Variants in APC observed in about 807,000 individuals in gnomAD.
APC encodes the protein APC regulator of Wnt signaling pathway, also known as adenomatous polyposis coli protein.
Under a neutral mutation model 247.0 loss-of-function variants are expected in APC, and 72 were observed. The ratio of observed to expected loss-of-function variants is 0.29; its 90% CI spans 0.24 to 0.35. The LOEUF (loss-of-function observed/expected upper bound fraction) is 0.35. Among genes scored for constraint, APC ranks in the 10% least tolerant of loss-of-function variants. APC has a pLI of 1.00. For missense variants in APC, 3,400 were observed against 3,360.7 expected (o/e 1.01, Z -0.29); for synonymous variants, 1,254 against 1,162.5 (o/e 1.08, Z -1.60).
chr5:112,821,383 T>A (rs1763112680), intron 10 of APC, among the ~76,000 whole-genome samples: 1 of 151,938 alleles, frequency 6.6e-6, no homozygotes, highest in South Asian at 2.1e-4. Flanking sequence ...GGGGTATGCC[T>A]GTAGTCCTAG....
chr5:112,837,210 A>G (rs1197216886), intron 15 of APC, among the ~76,000 whole-genome samples: 2 of 152,218 alleles, frequency 1.3e-5, no homozygotes, highest in African/African-American at 2.4e-5. Context: ...CAAAGTTCCT[A>G]TTCAACATAG....
intron 9 of APC, among the ~76,000 whole-genome samples, chr5:112,815,986 A>C (rs1168765025): frequency 1.3e-5 from 2 of 152,240 alleles, no homozygotes; most frequent in Admixed American, 6.5e-5. Flanking sequence ...AATCAGGTTT[A>C]TAAAAAGTGC....
At position 112,781,934 on chromosome 5, in the gene APC, A is replaced by G. The variant is rs139278868; in HGVS notation, c.645+1031A>G. Among the ~76,000 whole-genome samples, 255 of 152,172 alleles carry G rather than the reference A, an allele frequency of 1.7e-3. 9 individuals are homozygous for G. In the East Asian group the frequency reaches 0.04, roughly 24 times the overall value. ...ATGCCCAGCTAGTTTTTGTTTCGCC[A>G]TGTTTGCCAGGCTGGTCTTGAACTG... On this transcript the variant is annotated intron_variant, in intron 6 of 15. Coordinates refer to ENST00000257430, the MANE Select transcript of APC (RefSeq NM_000038.6).
intron 8 of APC, among the ~76,000 whole-genome samples, chr5:112,801,979 G>T (rs1010466251): frequency 6.6e-6 from 1 of 151,394 alleles, no homozygotes; most frequent in African/African-American, 2.4e-5. Context: ...GCTACCATCC[G>T]TTATCTTATT....
intron 2 of APC, among the ~76,000 whole-genome samples, chr5:112,758,804 T>C (rs1248182968): frequency 6.6e-6 from 1 of 152,002 alleles, no homozygotes; most frequent in Non-Finnish European, 1.5e-5. Context: ...AGTTTTGCCA[T>C]GTTTGCCAGG....
At chr5:112,820,572 T>C (rs1763017160) in intron 10 of APC, among the ~76,000 whole-genome samples, 1 of 152,190 alleles carries the variant, frequency 6.6e-6, no homozygotes, top group Admixed American at 6.5e-5. Context: ...AAGATTTTAC[T>C]GGGAGAACAT....
chr5:112,817,015 C>T (rs1300675851), intron 9 of APC, among the ~76,000 whole-genome samples: 3 of 151,626 alleles, frequency 2.0e-5, no homozygotes, highest in Non-Finnish European at 2.9e-5. Context: ...ATTACAGGTG[C>T]GTGCCACCAT....
Position 112,827,045 on chromosome 5 carries a change from A to G in APC, c.1409-63A>G, listed in dbSNP as rs185558823. 86 of 1,558,444 alleles carry G rather than the reference A, an allele frequency of 5.5e-5. 1 individual carries two copies. Among genetic ancestry groups the G allele is most frequent in the East Asian group, 3.6e-4 (16 of 44,402 alleles). ...TTTTTTCCTAGTATTTAAGTTACCAACTTGGTACCAGTTTGTTTTATTTTA... is the reference window on the plus strand; with the variant it reads ...TTTTTTCCTAGTATTTAAGTTACCAGCTTGGTACCAGTTTGTTTTATTTTA... On this transcript the variant is annotated intron_variant, in intron 11 of 15. Coordinates refer to ENST00000257430, the MANE Select transcript of APC (RefSeq NM_000038.6).
intron 3 of APC, 129 bp downstream of exon 3, chr5:112,766,539 C>T (rs1335533315): frequency 4.2e-5 from 27 of 645,470 alleles, no homozygotes; most frequent in Non-Finnish European, 6.9e-5. Flanking sequence ...TTAGCCTTAC[C>T]CTCAGGATGT....
chr5:112,735,005 G>C (rs937273571), upstream of APC, among the ~76,000 whole-genome samples: 2 of 151,752 alleles, frequency 1.3e-5, no homozygotes, highest in African/African-American at 2.4e-5. Flanking sequence ...AGGTTCAGAA[G>C]GGTTTTTTAA....
intron 1 of APC, among the ~76,000 whole-genome samples, chr5:112,742,058 A>G (rs1753099096): frequency 6.6e-6 from 1 of 152,164 alleles, no homozygotes; most frequent in African/African-American, 2.4e-5. Flanking sequence ...CCTTTTGTCT[A>G]TCATGAATAA....
At chr5:112,709,760 C>G (rs1269131001) in intron 1 of APC, among the ~76,000 whole-genome samples, 1 of 152,022 alleles carries the variant, frequency 6.6e-6, no homozygotes, top group Admixed American at 6.5e-5. Context: ...CAAAAATAAG[C>G]CAGGCATGGT....
intron 8 of APC, among the ~76,000 whole-genome samples, chr5:112,802,632 A>G (rs1396157954): frequency 6.6e-6 from 1 of 152,122 alleles, no homozygotes; most frequent in Non-Finnish European, 1.5e-5. Context: ...AGTAGATTAG[A>G]TTTAATGTCA....
chr5:112,833,452 A>G lies in APC; in HGVS notation c.1744-1499A>G, dbSNP rs1305467197. Reference sequence around the variant, plus strand: ...CACCTTGGCCCCTCAAAGTGCTGGGATTACAGGCATGAGCCATTGCGCCTG... The same window carrying G: ...CACCTTGGCCCCTCAAAGTGCTGGGGTTACAGGCATGAGCCATTGCGCCTG... On this transcript the variant is annotated intron_variant, in intron 14 of 15. Coordinates refer to ENST00000257430, the MANE Select transcript of APC (RefSeq NM_000038.6). Among the ~76,000 whole-genome samples, 5 of 151,980 alleles carry G rather than the reference A, an allele frequency of 3.3e-5. No individual in the cohort carries two copies. The East Asian group carries it at 7.7e-4, about 23-fold the overall frequency.
chr5:112,723,278 A>G (rs1751583605), intron 1 of APC, among the ~76,000 whole-genome samples: 1 of 152,166 alleles, frequency 6.6e-6, no homozygotes, highest in African/African-American at 2.4e-5. Context: ...CCTGGGCAAC[A>G]TGGAGAGGCC....
intron 8 of APC, among the ~76,000 whole-genome samples, chr5:112,809,868 G>A (rs902297990): frequency 2.0e-5 from 3 of 152,058 alleles, no homozygotes; most frequent in South Asian, 2.1e-4. Flanking sequence ...GTGGCAGCGC[G>A]TGCCTGTAAT....
intron 2 of APC, among the ~76,000 whole-genome samples, chr5:112,761,995 T>C (rs1374769698): frequency 6.6e-6 from 1 of 152,176 alleles, no homozygotes; most frequent in African/African-American, 2.4e-5. Flanking sequence ...GACCAAAGGC[T>C]CAGTTCAGAA....
intron 1 of APC, among the ~76,000 whole-genome samples, chr5:112,713,997 G>A (rs1751018807): frequency 6.6e-6 from 1 of 152,222 alleles, no homozygotes; most frequent in African/African-American, 2.4e-5. Flanking sequence ...ATAGTCATAG[G>A]TGACTGGTTA....
chr5:112,743,877 T>C (rs1003252754), intron 1 of APC, among the ~76,000 whole-genome samples: 3 of 152,152 alleles, frequency 2.0e-5, no homozygotes, highest in Non-Finnish European at 4.4e-5. Flanking sequence ...CATTTTTTGG[T>C]GTTTTTTTGT....
Sources: allele counts gnomAD v4.1 joint callset (sites outside exome capture counted in the v4.1 genomes callset), GRCh38; gene constraint gnomAD v4.1.1; transcripts MANE v1.5; gene names NCBI Gene and HGNC (gene_info 2026-07-23, HGNC 2026-07-21).